Variants in TTLL10 observed in about 807,000 individuals in gnomAD.
TTLL10 encodes tubulin tyrosine ligase like 10.
A neutral mutation model predicts 69.0 loss-of-function variants in TTLL10; 61 were observed. The ratio of observed to expected loss-of-function variants is 0.88; its 90% CI spans 0.72 to 1.09. The LOEUF (loss-of-function observed/expected upper bound fraction) is 1.09, where lower values mean the gene tolerates loss of function less well. Ranked by LOEUF, TTLL10 falls within the 50% of genes least tolerant of loss-of-function variation. The pLI is 0.00. For synonymous variants in TTLL10, 408 were observed against 393.3 expected (o/e 1.04, Z -0.44); for missense variants, 962 against 945.9 (o/e 1.02, Z -0.22).
intron 3 of TTLL10, among the ~76,000 whole-genome samples, chr1:1,178,184 C>G (rs1198218633): frequency 1.3e-5 from 2 of 152,172 alleles, no homozygotes; most frequent in Non-Finnish European, 2.9e-5. Flanking sequence ...CAGCCTTCTC[C>G]AGCCTCAGAG....
At chr1:1,191,545 G>A (rs1285522238) in intron 13 of TTLL10, among the ~76,000 whole-genome samples, 1 of 152,230 alleles carries the variant, frequency 6.6e-6, no homozygotes, top group Middle Eastern at 3.2e-3. Context: ...CATGTGCACT[G>A]GAGAAGGAGG....
rs775856357 is a variant in TTLL10 at position 1,185,158 on chromosome 1, G to A, written c.1401+49G>A. The A allele has an allele frequency of 6.3e-7, 1 of 1,594,914 alleles. No homozygotes were observed. The highest frequency in any genetic ancestry group is 1.8e-5 in the Admixed American group (1 of 56,454). ...CTGGGAGTGAGATCCCTCGGGGCGG[G>A]GGTGTGTGGTCAGGCTGGGCACCAG... On this transcript the variant is annotated intron_variant, in intron 13 of 15. Transcript: ENST00000379289. The surrounding 1 kb of genome is among the most constrained non-coding windows in gnomAD (Gnocchi z 6.1).
chr1:1,175,618 CCA>C (rs1378145454), intron 3 of TTLL10: 14 of 438,152 alleles, frequency 3.2e-5, no homozygotes, highest in African/African-American at 2.8e-4. Context: ...CCCGTCACCC[CCA>C]CAGTCACCAT....
At chr1:1,176,994 G>A (rs1049674399) in intron 3 of TTLL10, among the ~76,000 whole-genome samples, 5 of 151,938 alleles carry the variant, frequency 3.3e-5, no homozygotes, top group African/African-American at 9.7e-5. Flanking sequence ...CTCTGTGTGC[G>A]TCTGTGTGTC....
chr1:1,195,880 G>A (rs187435200), intron 13 of TTLL10, among the ~76,000 whole-genome samples: 7 of 151,664 alleles, frequency 4.6e-5, no homozygotes, highest in Non-Finnish European at 8.8e-5. Context: ...GAGCTCAAGC[G>A]ATCCTCCTGC....
chr1:1,195,500 C>CTTTTTTTTTTTTTTTTTTTTTTT lies in TTLL10; in HGVS notation c.1402-1082_1402-1081insTTTTTTTTTTTTTTTTTTTTTTT, dbSNP rs1168016636. On this transcript the variant is annotated intron_variant, in intron 13 of 15. Transcript: ENST00000379289. ...TATTTGATAAGACATCATCGTCATA[C>CTTTTTTTTTTTTTTTTTTTTTTT]TTTTTTTTTTTTTTTTTTAGTTTTA... Among the ~76,000 whole-genome samples, 55 of 98,720 alleles carry CTTTTTTTTTTTTTTTTTTTTTTT rather than the reference C, an allele frequency of 5.6e-4. 1 individual carries two copies. Among genetic ancestry groups the CTTTTTTTTTTTTTTTTTTTTTTT allele is most frequent in the East Asian group, 2.5e-3 (3 of 1,200 alleles). 64.8% of individuals were successfully genotyped at this position (98,720 alleles called of 152,430 possible).
At position 1,179,316 on chromosome 1, in the gene TTLL10, C is replaced by G. The variant is rs1444717993; in HGVS notation, c.101C>G (p.Pro34Arg). ...AAGAGGCCAAGGATCCAGCAGAGGC[C>G]TCGGGCTCGAGTCTCAGGTGAATAG... ...RGKRPRIQQR[P>R]RARVSGTIPA... The change falls in exon 4 of 16, where the codon CCT (proline) becomes CGT (arginine). Residue 34 changes from proline to arginine, a missense_variant. Transcript: ENST00000379289. The G allele has an allele frequency of 6.4e-7, 1 of 1,551,264 alleles. No homozygotes were observed. The highest frequency in any genetic ancestry group is 8.7e-7 in the Non-Finnish European group (1 of 1,146,864).
intron 15 of TTLL10, 63 bp from the exon 16 acceptor site, chr1:1,197,375 T>TCCCCCCCC: frequency 4.7e-6 from 1 of 213,420 alleles, no homozygotes. Context: ...CCTCACACCC[T>TCCCCCCCC]CCCCACCCCC....
At chr1:1,189,901 A>G (rs753983150) in intron 13 of TTLL10, among the ~76,000 whole-genome samples, 7 of 152,246 alleles carry the variant, frequency 4.6e-5, no homozygotes, top group Non-Finnish European at 1.0e-4. Flanking sequence ...TCATGAGGTC[A>G]GGAGATCGAG....
rs1224192478 is a variant in TTLL10 at position 1,181,355 on chromosome 1, A to G, written c.756-386A>G. Among the ~76,000 whole-genome samples the G allele has an allele frequency of 6.6e-6, 1 of 151,260 alleles. No homozygotes were observed. The highest frequency in any genetic ancestry group is 1.5e-5 in the Non-Finnish European group (1 of 67,844). ...GAGTGAGGCCGTCCATCGCTCACCCAAGTCTGGGCCATCCATCCTAGCGAC... is the reference window on the plus strand; with the variant it reads ...GAGTGAGGCCGTCCATCGCTCACCCGAGTCTGGGCCATCCATCCTAGCGAC... On this transcript the variant is annotated intron_variant, in intron 8 of 15. Coordinates refer to ENST00000379289, the MANE Select transcript of TTLL10 (RefSeq NM_001130045.2). The surrounding 1 kb of genome is among the most constrained non-coding windows in gnomAD (Gnocchi z 4.6).
chr1:1,189,919 C>T (rs1647617290), intron 13 of TTLL10, among the ~76,000 whole-genome samples: 3 of 151,918 alleles, frequency 2.0e-5, no homozygotes, highest in African/African-American at 7.3e-5. Flanking sequence ...GAGACCATCC[C>T]GGGTAACACG....
rs758208807 is a variant in TTLL10, at chr1:1,197,799, G to A, written c.1974G>A (p.Pro658=). 9.6e-5 allele frequency: 146 copies of A among 1,525,922 alleles called. 2 individuals are homozygous for A. The South Asian group carries it at 1.1e-3, about 11-fold the overall frequency. 94.5% of individuals were successfully genotyped at this position (1,525,922 alleles called of 1,614,324 possible). ...GNRHPAQEPS[P]GTAKEEREEP... ...GGCACCCGGCGCAAGAGCCTTCCCC[G>A]GGGACAGCCAAGGAGGAACGCGAGG... The change falls in exon 16 of 16, where the codon CCG becomes CCA. Residue 658 remains proline, a synonymous_variant. Transcript: ENST00000379289.
chr1:1,184,392 T>C (rs1392438573), intron 12 of TTLL10, among the ~76,000 whole-genome samples: 1 of 152,182 alleles, frequency 6.6e-6, no homozygotes, highest in Non-Finnish European at 1.5e-5. Context: ...CTGAGTTTTC[T>C]GAGGATGGGG....
intron 13 of TTLL10, among the ~76,000 whole-genome samples, chr1:1,193,775 T>C (rs1648009364): frequency 6.6e-6 from 1 of 152,208 alleles, no homozygotes; most frequent in Non-Finnish European, 1.5e-5. Context: ...TAGTGTAGCA[T>C]TTTAATTACC....
At chr1:1,183,552 C>T (rs372258083) in intron 11 of TTLL10, among the ~76,000 whole-genome samples, 27 of 152,328 alleles carry the variant, frequency 1.8e-4, no homozygotes, top group South Asian at 6.2e-4. Flanking sequence ...GCTCCTCCCT[C>T]GCGTCCCTCC....
chr1:1,193,556 C>T (rs1209158522), intron 13 of TTLL10, among the ~76,000 whole-genome samples: 19 of 151,666 alleles, frequency 1.3e-4, no homozygotes, highest in African/African-American at 4.1e-4. Flanking sequence ...CCCCGCCTCC[C>T]GGATTCAAGC....
At chr1:1,189,283 G>A (rs6684820) in intron 13 of TTLL10, among the ~76,000 whole-genome samples, 59,896 of 152,054 alleles carry the variant, frequency 0.39, 13,827 homozygotes, top group East Asian at 0.85. Flanking sequence ...GTTCCCTTCT[G>A]TTCCTAATTG....
rs549235697 is a variant in TTLL10, at chr1:1,185,316, C to T, written c.1401+207C>T. The stretch of plus-strand genomic sequence containing the variant: ...CCCCAGCAGCCAGCAAAGGCCCGGA[C>T]GGAAAGCCCAGTCGGGGGTCTGTCG... On this transcript the variant is annotated intron_variant, in intron 13 of 15. Coordinates refer to ENST00000379289, the MANE Select transcript of TTLL10 (RefSeq NM_001130045.2). The surrounding 1 kb of genome is among the most constrained non-coding windows in gnomAD (Gnocchi z 6.1). 7.2e-6 allele frequency: 10 copies of T among 1,393,792 alleles called. No homozygotes were observed. The East Asian group carries it at 8.1e-5, about 11-fold the overall frequency. 86.3% of individuals were successfully genotyped at this position (1,393,792 alleles called of 1,614,324 possible).
Position 1,183,023 on chromosome 1 carries a change from G to C in TTLL10, c.1064G>C (p.Gly355Ala). Residue 355 changes from glycine (G) to alanine (A), a missense_variant, in exon 11 of 16, where the codon GGG becomes GCG. By Grantham distance (60) the Gly-to-Ala change is moderately conservative (BLOSUM62 0). Coordinates refer to ENST00000379289, the MANE Select transcript of TTLL10 (RefSeq NM_001130045.2). ...ATCCACCACAAGACGCCGTTCCGGGGGCCTCAGGCGCGGGTGGTGCAGAGG... is the reference window on the plus strand; with the variant it reads ...ATCCACCACAAGACGCCGTTCCGGGCGCCTCAGGCGCGGGTGGTGCAGAGG... ...DPIHHKTPFRGPQARVVQRYI... is the reference protein window; with the variant it reads ...DPIHHKTPFRAPQARVVQRYI... 6.2e-7 allele frequency: 1 copy of C among 1,608,610 alleles called. No individual in the cohort carries two copies. The highest frequency in any genetic ancestry group is 1.7e-5 in the Admixed American group (1 of 59,630).
Sources: allele counts gnomAD v4.1 joint callset (sites outside exome capture counted in the v4.1 genomes callset), GRCh38; gene constraint gnomAD v4.1.1; non-coding constraint Gnocchi (gnomAD v3.1); transcripts MANE v1.5; gene names NCBI Gene and HGNC (gene_info 2026-07-23, HGNC 2026-07-21).